ZNF131: variants seen among roughly 807,000 people sequenced by gnomAD.
ZNF131 encodes the protein zinc finger protein 131.
A neutral mutation model predicts 60.0 loss-of-function variants in ZNF131; 7 were observed. The observed-to-expected ratio is 0.12, with a 90% CI of 0.07 to 0.22. ZNF131 has a LOEUF of 0.22. Among genes scored for constraint, ZNF131 ranks in the 10% least tolerant of loss-of-function variants. The pLI, the probability that ZNF131 is intolerant of heterozygous loss-of-function variation, is 1.00. For synonymous variants in ZNF131, 257 were observed against 253.2 expected (o/e 1.01, Z -0.14); for missense variants, 493 against 740.9 (o/e 0.67, Z 3.88).
intron 3 of ZNF131, among the ~76,000 whole-genome samples, chr5:43,128,298 T>C (rs1217642568): frequency 6.6e-6 from 1 of 152,150 alleles, no homozygotes; most frequent in Non-Finnish European, 1.5e-5. Context: ...ATCAGTTTGG[T>C]TCATGTTAGC....
rs183709909 is a variant in ZNF131 at position 43,134,334 on chromosome 5, T to C, written c.227-4831T>C. On this transcript the variant is annotated intron_variant, in intron 3 of 6. Coordinates refer to ENST00000682664, the MANE Select transcript of ZNF131 (RefSeq NM_001330707.2). ...GACAAAATTTAATACCCTTTCTCAGTAAAAACTCTTAAACAAACGAGGAAT... is the reference window on the plus strand; with the variant it reads ...GACAAAATTTAATACCCTTTCTCAGCAAAAACTCTTAAACAAACGAGGAAT... 4.3e-4 allele frequency among the ~76,000 whole-genome samples: 65 copies of C among 152,248 alleles called. No homozygotes were observed. The East Asian group carries it at 0.011, about 27-fold the overall frequency.
intron 4 of ZNF131, among the ~76,000 whole-genome samples, chr5:43,147,543 G>A (rs552199653): frequency 6.6e-6 from 1 of 151,218 alleles, no homozygotes; most frequent in African/African-American, 2.4e-5. Flanking sequence ...TCAGCCTCCG[G>A]AGTAGCTGGG....
At chr5:43,167,053 T>C (rs1198467189) in intron 5 of ZNF131, among the ~76,000 whole-genome samples, 2 of 152,054 alleles carry the variant, frequency 1.3e-5, no homozygotes, top group Non-Finnish European at 2.9e-5. Context: ...ATAGAGAGAC[T>C]AGAGGAGAGA....
At chr5:43,144,678 G>A (rs1747354459) in intron 4 of ZNF131, among the ~76,000 whole-genome samples, 2 of 152,060 alleles carry the variant, frequency 1.3e-5, no homozygotes, top group African/African-American at 4.8e-5. Context: ...TTTGACAAAT[G>A]TCTTGTGTTT....
chr5:43,142,240 G>C (rs1746942032), intron 4 of ZNF131, among the ~76,000 whole-genome samples: 1 of 150,562 alleles, frequency 6.6e-6, no homozygotes. Context: ...CTACTCGGGA[G>C]GCTGAGGCAG....
In ZNF131 at chr5:43,159,645, A is replaced by G. The variant is rs1204694258; in HGVS notation, c.372-1604A>G. On this transcript the variant is annotated intron_variant, in intron 4 of 6. Transcript: ENST00000682664. ...GGGAGGCAGAGGTTGCAGTGAGCCA[A>G]GATCGTGCCACTGCACTCCAGCCTG... Among the ~76,000 whole-genome samples the G allele has an allele frequency of 2.0e-5, 3 of 150,376 alleles. No individual in the cohort carries two copies. The East Asian group carries it at 5.9e-4, about 30-fold the overall frequency.
chr5:43,155,814 T>C (rs1333891603), intron 4 of ZNF131, among the ~76,000 whole-genome samples: 1 of 152,208 alleles, frequency 6.6e-6, no homozygotes, highest in Non-Finnish European at 1.5e-5. Flanking sequence ...TTATAAACTT[T>C]ACCTGATGAG....
chr5:43,163,579 G>T (rs370052429), intron 5 of ZNF131, among the ~76,000 whole-genome samples: 1 of 152,094 alleles, frequency 6.6e-6, no homozygotes, highest in Non-Finnish European at 1.5e-5. Flanking sequence ...CCCACTCCCC[G>T]AACAACCTTT....
intron 3 of ZNF131, among the ~76,000 whole-genome samples, chr5:43,130,405 A>G (rs1317871221): frequency 6.6e-6 from 1 of 152,176 alleles, no homozygotes. Context: ...AATGAGTAAT[A>G]TAAAAGTAAG....
intron 5 of ZNF131, among the ~76,000 whole-genome samples, chr5:43,172,235 A>G (rs1000700064): frequency 6.6e-6 from 1 of 152,110 alleles, no homozygotes; most frequent in Non-Finnish European, 1.5e-5. Context: ...TGCTGTTTTA[A>G]CTTGGTGTTT....
At position 43,174,692 on chromosome 5, in the gene ZNF131, G is replaced by C; in HGVS notation, c.1431G>C (p.Lys477Asn). The change falls in exon 7 of 7, where the codon AAG becomes AAC. Residue 477 changes from lysine to asparagine, a missense_variant. By Grantham distance (94) the Lys-to-Asn change is moderately conservative. This residue lies in a region of ZNF131 where 202 missense variants were observed against 221.3 expected (regional missense o/e 0.91). Transcript: ENST00000682664. ...TSMTIIEQVG[K>N]VHVLPLLQVQ... Reference sequence around the variant, plus strand: ...TGACTATTATAGAACAAGTTGGGAAGGTGCATGTGCTACCATTGCTTCAGG... The same window carrying C: ...TGACTATTATAGAACAAGTTGGGAACGTGCATGTGCTACCATTGCTTCAGG... The C allele has an allele frequency of 6.2e-7, 1 of 1,614,172 alleles. No individual in the cohort carries two copies. The highest frequency in any genetic ancestry group is 2.2e-5 in the East Asian group (1 of 44,892).
At chr5:43,168,841 G>T (rs1238731495) in intron 5 of ZNF131, among the ~76,000 whole-genome samples, 1 of 152,174 alleles carries the variant, frequency 6.6e-6, no homozygotes, top group African/African-American at 2.4e-5. Flanking sequence ...AATAGGATTT[G>T]GTGGTCGGTG....
At position 43,157,497 on chromosome 5, in the gene ZNF131, A is replaced by G. The variant is rs528940835; in HGVS notation, c.372-3752A>G. ...AACCATGGGGCAGACATGGTACCAG[A>G]TTGATAAAAGAGTCTCTCTCCCACA... On this transcript the variant is annotated intron_variant, in intron 4 of 6. Coordinates refer to ENST00000682664, the MANE Select transcript of ZNF131 (RefSeq NM_001330707.2). 1.4e-4 allele frequency among the ~76,000 whole-genome samples: 22 copies of G among 152,180 alleles called. No individual in the cohort carries two copies. In the East Asian group the frequency reaches 4.0e-3, roughly 28 times the overall value.
In ZNF131 at chr5:43,121,797, C is replaced by G. The variant is rs1481001789; in HGVS notation, c.-15-242C>G. The stretch of plus-strand genomic sequence containing the variant: ...GGAACCTCCGGCGCTGTGCCCACCC[C>G]GCTCTAGCTCGCGTCTCCCGACTCC... On this transcript the variant is annotated intron_variant, in intron 1 of 6. Coordinates refer to ENST00000682664, the MANE Select transcript of ZNF131 (RefSeq NM_001330707.2). The G allele has an allele frequency of 2.3e-5, 7 of 308,538 alleles. No homozygotes were observed. In the Middle Eastern group the frequency reaches 2.9e-3, roughly 126 times the overall value. 19.1% of individuals were successfully genotyped at this position (308,538 alleles called of 1,614,324 possible).
At chr5:43,156,459 G>A (rs1748975275) in intron 4 of ZNF131, among the ~76,000 whole-genome samples, 1 of 152,228 alleles carries the variant, frequency 6.6e-6, no homozygotes, top group South Asian at 2.1e-4. Context: ...AGAGGAGGAA[G>A]AGATGTGGAG....
intron 3 of ZNF131, among the ~76,000 whole-genome samples, chr5:43,130,275 A>C (rs1332356243): frequency 6.7e-6 from 1 of 149,964 alleles, no homozygotes; most frequent in African/African-American, 2.4e-5. Context: ...AAAAAAAAAA[A>C]AAAAAAAGAG....
At chr5:43,157,098 G>T in intron 4 of ZNF131, among the ~76,000 whole-genome samples, 1 of 152,062 alleles carries the variant, frequency 6.6e-6, no homozygotes, top group East Asian at 1.9e-4. Flanking sequence ...CTTATCTATG[G>T]TTTCCCATAG....
rs540822681 is a variant in ZNF131, at chr5:43,147,186, A to C, written c.371+7877A>C. Among the ~76,000 whole-genome samples the C allele has an allele frequency of 2.0e-5, 3 of 151,124 alleles. No individual in the cohort carries two copies. The South Asian group carries it at 6.2e-4, about 31-fold the overall frequency. On this transcript the variant is annotated intron_variant, in intron 4 of 6. Transcript: ENST00000682664. ...TTTTCATTGCTGAGTAGTATTCCACAGTGTGGGTATGCTACAGTTTGTTTA... is the reference window on the plus strand; with the variant it reads ...TTTTCATTGCTGAGTAGTATTCCACCGTGTGGGTATGCTACAGTTTGTTTA...
At position 43,161,750 on chromosome 5, in the gene ZNF131, A is replaced by G; in HGVS notation, c.873A>G (p.Glu291=). 1 of 1,614,250 alleles carries G rather than the reference A, an allele frequency of 6.2e-7. No homozygotes were observed. Among genetic ancestry groups the G allele is most frequent in the East Asian group, 2.2e-5 (1 of 44,886 alleles). The part of the protein sequence containing the change: ...KSHSTESFKC[E]ICNKRYLRES... ...ACTCCACTGAGAGTTTCAAGTGTGA[A>G]ATATGCAATAAACGATATCTTCGAG... Residue 291 remains glutamate, a synonymous_variant, in exon 5 of 7, where the codon GAA becomes GAG. Coordinates refer to ENST00000682664, the MANE Select transcript of ZNF131 (RefSeq NM_001330707.2).
Sources: gnomAD v4.1 joint callset for allele counts (sites outside exome capture counted in the v4.1 genomes callset) on GRCh38, gnomAD v4.1.1 for gene constraint, gnomAD v4.1.1 regional missense constraint, MANE v1.5 for transcripts, NCBI Gene and HGNC (gene_info 2026-07-23, HGNC 2026-07-21) for gene names.